Variants in CADM2 observed in about 807,000 individuals in gnomAD.
CADM2 encodes the protein immunoglobulin superfamily member 4D.
In CADM2, 12 loss-of-function variants were observed where a neutral mutation model predicts 49.8. That is an observed-to-expected ratio of 0.24 (90% CI 0.15 to 0.39). The LOEUF (loss-of-function observed/expected upper bound fraction) is 0.39. CADM2 is among the 10% of genes least tolerant of loss of function. The pLI is 1.00. For missense variants in CADM2, 378 were observed against 492.3 expected (o/e 0.77, Z 2.20); for synonymous variants, 214 against 175.4 (o/e 1.22, Z -1.74).
At chr3:85,174,488 C>T (rs2040721659) in intron 1 of CADM2, among the ~76,000 whole-genome samples, 1 of 150,468 alleles carries the variant, frequency 6.6e-6, no homozygotes, top group Non-Finnish European at 1.5e-5. Context: ...CTTATGTTTT[C>T]AGCTGACTTG....
At chr3:85,060,584 C>A (rs1268876656) in intron 1 of CADM2, among the ~76,000 whole-genome samples, 1 of 152,076 alleles carries the variant, frequency 6.6e-6, no homozygotes, top group African/African-American at 2.4e-5. Flanking sequence ...TTATACAAAT[C>A]ATTAATTGAA....
At position 85,525,059 on chromosome 3, in the gene CADM2, G is replaced by A. The variant is rs370041618; in HGVS notation, c.62-201463G>A. ...ATTAGGAGAAATACATAACGTAGAT[G>A]ACAGGCTGATGGGTGCGGCAAACCA... On this transcript the variant is annotated intron_variant, in intron 1 of 9. Transcript: ENST00000383699. Among the ~76,000 whole-genome samples, 59 of 152,250 alleles carry A rather than the reference G, an allele frequency of 3.9e-4. No individual in the cohort carries two copies. In the East Asian group the frequency reaches 7.1e-3, roughly 18 times the overall value.
chr3:85,871,836 C>T (rs2108355402), intron 3 of CADM2, among the ~76,000 whole-genome samples: 1 of 152,204 alleles, frequency 6.6e-6, no homozygotes. Context: ...GCATCCAGTT[C>T]TTTAAGAAAT....
chr3:85,884,561 C>T (rs1281127237), intron 4 of CADM2, among the ~76,000 whole-genome samples: 1 of 152,006 alleles, frequency 6.6e-6, no homozygotes, highest in East Asian at 1.9e-4. Flanking sequence ...GATGAATTCA[C>T]TTTATTAAAT....
At chr3:85,120,850 A>T (rs2038839320) in intron 1 of CADM2, among the ~76,000 whole-genome samples, 1 of 152,152 alleles carries the variant, frequency 6.6e-6, no homozygotes. Context: ...AAAAAGATAC[A>T]TTGCTCTGCA....
chr3:85,304,751 C>T (rs2044175391), intron 1 of CADM2, among the ~76,000 whole-genome samples: 1 of 151,756 alleles, frequency 6.6e-6, no homozygotes, highest in South Asian at 2.1e-4. Context: ...TGATTTCCTG[C>T]AGAATTTATT....
intron 3 of CADM2, among the ~76,000 whole-genome samples, chr3:85,842,153 T>C (rs2074666943): frequency 6.6e-6 from 1 of 152,084 alleles, no homozygotes; most frequent in African/African-American, 2.4e-5. Context: ...GATTAGTTTC[T>C]TTGTGTATTG....
At chr3:85,317,126 C>T (rs113823486) in intron 1 of CADM2, among the ~76,000 whole-genome samples, 5 of 150,548 alleles carry the variant, frequency 3.3e-5, no homozygotes, top group African/African-American at 1.2e-4. Context: ...GTGGTGTTTG[C>T]TTTTTTTGGG....
intron 1 of CADM2, among the ~76,000 whole-genome samples, chr3:85,532,925 G>A (rs1051292475): frequency 2.0e-5 from 3 of 152,130 alleles, no homozygotes; most frequent in Non-Finnish European, 4.4e-5. Flanking sequence ...AATACCACAT[G>A]TTCTCACTTG....
At chr3:85,143,018 ATTATC>A (rs1343057957) in intron 1 of CADM2, among the ~76,000 whole-genome samples, 3 of 152,210 alleles carry the variant, frequency 2.0e-5, no homozygotes, top group African/African-American at 7.2e-5. Context: ...TTTATTATAA[ATTATC>A]TTAGAGAAAA....
intron 1 of CADM2, among the ~76,000 whole-genome samples, chr3:85,173,228 C>CA (rs2040683952): frequency 6.6e-6 from 1 of 151,746 alleles, no homozygotes; most frequent in Non-Finnish European, 1.5e-5. Flanking sequence ...TAAGGATTGA[C>CA]AATTTCAGTA....
intron 1 of CADM2, among the ~76,000 whole-genome samples, chr3:85,107,858 C>A (rs2038305050): frequency 6.6e-6 from 1 of 151,698 alleles, no homozygotes; most frequent in South Asian, 2.1e-4. Context: ...CACCATCACA[C>A]CCAGCTAATT....
intron 1 of CADM2, among the ~76,000 whole-genome samples, chr3:85,542,352 G>T (rs2061569835): frequency 1.3e-5 from 2 of 151,932 alleles, no homozygotes. Flanking sequence ...ATTGAACAAA[G>T]ACCTTTTGAT....
At chr3:86,037,602 A>C (rs1291630661) in intron 8 of CADM2, among the ~76,000 whole-genome samples, 1 of 152,174 alleles carries the variant, frequency 6.6e-6, no homozygotes, top group Non-Finnish European at 1.5e-5. Context: ...ATAACATATG[A>C]GCACACCTGA....
intron 8 of CADM2, chr3:85,979,426 G>T (rs1182881848): frequency 1.1e-5 from 10 of 874,348 alleles, no homozygotes; most frequent in Admixed American, 2.7e-5. Context: ...ATCAATTAGG[G>T]TTATTGGAAT....
At chr3:85,321,919 G>A (rs1236493465) in intron 1 of CADM2, among the ~76,000 whole-genome samples, 1 of 152,158 alleles carries the variant, frequency 6.6e-6, no homozygotes, top group African/African-American at 2.4e-5. Context: ...CCTATATAAT[G>A]CATGCATCCT....
intron 1 of CADM2, among the ~76,000 whole-genome samples, chr3:85,635,998 A>T (rs1243868179): frequency 6.6e-6 from 1 of 152,226 alleles, no homozygotes; most frequent in Non-Finnish European, 1.5e-5. Context: ...CCAGTTGTTT[A>T]AAAGTATAGT....
chr3:85,268,428 G>A (rs1036997514), intron 1 of CADM2, among the ~76,000 whole-genome samples: 6 of 151,172 alleles, frequency 4.0e-5, no homozygotes, highest in East Asian at 1.9e-4. Flanking sequence ...AAAAATGAAA[G>A]GTTTAAATAC....
At chr3:85,568,083 G>A (rs1388387836) in intron 1 of CADM2, among the ~76,000 whole-genome samples, 1 of 152,102 alleles carries the variant, frequency 6.6e-6, no homozygotes, top group African/African-American at 2.4e-5. Context: ...CACCCTCAAA[G>A]GTATCCTCAG....
Sources: gnomAD v4.1 joint callset for allele counts (sites outside exome capture counted in the v4.1 genomes callset) on GRCh38, gnomAD v4.1.1 for gene constraint, MANE v1.5 for transcripts, NCBI Gene and HGNC (gene_info 2026-07-23, HGNC 2026-07-21) for gene names.